The following FHIT variants were observed in gnomAD, a reference collection of about 807,000 sequenced individuals.
FHIT encodes fragile histidine triad diadenosine triphosphatase.
FHIT carries 19 observed loss-of-function variants against 17.9 expected under a neutral mutation model. The observed-to-expected ratio is 1.06, with a 90% CI of 0.74 to 1.56. The LOEUF (loss-of-function observed/expected upper bound fraction) is 1.56. Among genes scored for constraint, FHIT ranks in the 40% most tolerant of loss-of-function variants. The pLI is 0.00. For synonymous variants in FHIT, 81 were observed against 69.7 expected, an observed-to-expected ratio of 1.16 and a Z score of -0.81; for missense variants, 248 against 189.2, an observed-to-expected ratio of 1.31 and a Z score of -1.82.
chr3:59,796,232 G>C (rs188417455), intron 8 of FHIT, among the ~76,000 whole-genome samples: 8 of 152,196 alleles, frequency 5.3e-5, no homozygotes, highest in Non-Finnish European at 1.0e-4. Flanking sequence ...TCCTCTAATG[G>C]TGCCCAGTAC....
chr3:61,060,744 G>A (rs751358806), intron 2 of FHIT, among the ~76,000 whole-genome samples: 2 of 152,242 alleles, frequency 1.3e-5, no homozygotes, highest in Non-Finnish European at 2.9e-5. Context: ...ACACAACACT[G>A]TCACAGATGT....
chr3:61,065,407 T>C (rs2034569444), intron 2 of FHIT, among the ~76,000 whole-genome samples: 1 of 152,152 alleles, frequency 6.6e-6, no homozygotes, highest in African/African-American at 2.4e-5. Context: ...GTGTTTTGTT[T>C]TTGCATGTGA....
intron 5 of FHIT, among the ~76,000 whole-genome samples, chr3:60,325,499 T>C (rs968763767): frequency 5.9e-5 from 9 of 152,232 alleles, no homozygotes; most frequent in Admixed American, 3.9e-4. Flanking sequence ...ATGTAATTAA[T>C]GAAAGCTACA....
intron 4 of FHIT, among the ~76,000 whole-genome samples, chr3:60,785,262 G>A (rs1432779480): frequency 6.6e-6 from 1 of 152,224 alleles, no homozygotes; most frequent in African/African-American, 2.4e-5. Flanking sequence ...AGAAGAAGGA[G>A]TAGGTCTGAA....
At chr3:61,210,492 A>T (rs973241380) in intron 1 of FHIT, among the ~76,000 whole-genome samples, 1 of 152,148 alleles carries the variant, frequency 6.6e-6, no homozygotes, top group African/African-American at 2.4e-5. Context: ...TACCTACTCA[A>T]GCCTTGGCAA....
intron 5 of FHIT, among the ~76,000 whole-genome samples, chr3:60,100,001 A>G (rs1038927939): frequency 6.6e-6 from 1 of 152,168 alleles, no homozygotes; most frequent in Non-Finnish European, 1.5e-5. Flanking sequence ...AATTATCAGG[A>G]ACAACAGTCA....
intron 3 of FHIT, among the ~76,000 whole-genome samples, chr3:61,022,428 G>T (rs577857729): frequency 6.6e-6 from 1 of 151,654 alleles, no homozygotes; most frequent in African/African-American, 2.4e-5. Flanking sequence ...AGAGGAGCTG[G>T]TACCATTCCT....
At chr3:61,191,730 G>A (rs915579151) in intron 2 of FHIT, among the ~76,000 whole-genome samples, 3 of 152,038 alleles carry the variant, frequency 2.0e-5, no homozygotes, top group African/African-American at 7.2e-5. Flanking sequence ...GGGCAGCTGG[G>A]CAGACCCAGA....
intron 8 of FHIT, among the ~76,000 whole-genome samples, chr3:59,752,685 T>TAGTG (rs1018294871): frequency 2.6e-4 from 39 of 152,218 alleles, no homozygotes; most frequent in African/African-American, 9.4e-4. Flanking sequence ...GTTCTCATGA[T>TAGTG]AGTGAGTTAT....
chr3:59,994,109 T>G (rs573331817), intron 7 of FHIT, among the ~76,000 whole-genome samples: 1 of 152,096 alleles, frequency 6.6e-6, no homozygotes, highest in East Asian at 1.9e-4. Flanking sequence ...ATCACAGAGC[T>G]AGGAAGAAGC....
At chr3:60,639,291 G>C (rs890774471) in intron 4 of FHIT, among the ~76,000 whole-genome samples, 44 of 151,994 alleles carry the variant, frequency 2.9e-4, no homozygotes, top group Admixed American at 7.9e-4. Context: ...TGTGAGAACG[G>C]TGAACCAAAG....
rs566406865 is a variant in FHIT at position 60,113,503 on chromosome 3, C to T, written c.104-99351G>A. ...GGGATTCAGTGTTACATCTACTATGCGCCAGTCACTGTACCCTACTATTAG... is the reference window on the plus strand; with the variant it reads ...GGGATTCAGTGTTACATCTACTATGTGCCAGTCACTGTACCCTACTATTAG... On this transcript the variant is annotated intron_variant, in intron 5 of 9. Coordinates refer to ENST00000492590, the MANE Select transcript of FHIT (RefSeq NM_002012.4). Among the ~76,000 whole-genome samples, 9 of 151,858 alleles carry T rather than the reference C, an allele frequency of 5.9e-5. 1 individual carries two copies. The highest frequency in any genetic ancestry group is 4.2e-4 in the South Asian group (2 of 4,808).
chr3:60,732,704 T>TTTTTTC, intron 4 of FHIT: 7 of 338,300 alleles, frequency 2.1e-5, no homozygotes, highest in Non-Finnish European at 4.0e-5. Context: ...TTTTTTTTTT[T>TTTTTTC]TTGACAAAGT....
At chr3:60,679,663 A>G (rs1553696311) in intron 4 of FHIT, among the ~76,000 whole-genome samples, 1 of 152,140 alleles carries the variant, frequency 6.6e-6, no homozygotes, top group Admixed American at 6.6e-5. Context: ...ATACCAAAGT[A>G]TAATAATGAA....
At chr3:60,717,452 T>C (rs1443905439) in intron 4 of FHIT, among the ~76,000 whole-genome samples, 1 of 152,158 alleles carries the variant, frequency 6.6e-6, no homozygotes, top group African/African-American at 2.4e-5. Flanking sequence ...TTGTCAACTA[T>C]ACCTTAATAA....
At chr3:59,949,957 T>C (rs1203042757) in intron 7 of FHIT, among the ~76,000 whole-genome samples, 3 of 152,214 alleles carry the variant, frequency 2.0e-5, no homozygotes, top group Non-Finnish European at 2.9e-5. Context: ...ATTCAGTCTT[T>C]CTTCCAAAGG....
At chr3:59,867,812 T>C (rs1702722559) in intron 8 of FHIT, among the ~76,000 whole-genome samples, 1 of 152,036 alleles carries the variant, frequency 6.6e-6, no homozygotes, top group Non-Finnish European at 1.5e-5. Flanking sequence ...CACCTCCACC[T>C]TAGGGTATGT....
At chr3:60,258,572 G>C (rs1470970560) in intron 5 of FHIT, among the ~76,000 whole-genome samples, 1 of 119,926 alleles carries the variant, frequency 8.3e-6, no homozygotes, top group African/African-American at 2.5e-5. Flanking sequence ...TGTGATAGTA[G>C]TATAGGGGAA....
intron 7 of FHIT, among the ~76,000 whole-genome samples, chr3:59,994,953 T>C (rs1465602409): frequency 1.3e-5 from 2 of 152,038 alleles, no homozygotes; most frequent in Non-Finnish European, 2.9e-5. Flanking sequence ...CAAATGTTCT[T>C]GTGGGTCAGT....
Sources: gnomAD v4.1 joint callset for allele counts (sites outside exome capture counted in the v4.1 genomes callset) on GRCh38, gnomAD v4.1.1 for gene constraint, MANE v1.5 for transcripts, NCBI Gene and HGNC (gene_info 2026-07-23, HGNC 2026-07-21) for gene names.